The following FAM167A variants were observed in gnomAD, a reference collection of about 807,000 sequenced individuals.
FAM167A encodes protein FAM167A.
FAM167A carries 23 observed loss-of-function variants against 14.9 expected under a neutral mutation model. The ratio of observed to expected loss-of-function variants is 1.55; its 90% CI spans 1.11 to 2.19. The LOEUF is 2.19. Ranked by LOEUF, FAM167A falls within the 30% of genes most tolerant of loss-of-function variation. The probability of loss-of-function intolerance (pLI) is 0.00; values close to 1 mark genes in which losing one functional copy is unlikely to be tolerated. For synonymous variants in FAM167A, 174 were observed against 117.7 expected, an observed-to-expected ratio of 1.48 and a Z score of -3.10; for missense variants, 401 against 281.5, an observed-to-expected ratio of 1.42 and a Z score of -3.04.
intron 2 of FAM167A, among the ~76,000 whole-genome samples, chr8:11,426,495 C>G (rs1365154368): frequency 1.3e-5 from 2 of 152,188 alleles, no homozygotes; most frequent in African/African-American, 2.4e-5. Flanking sequence ...GCTTCACACT[C>G]CCAGTTTCCC....
At chr8:11,443,739 T>G (rs572314130) in intron 2 of FAM167A, 52 of 352,376 alleles carry the variant, frequency 1.5e-4, no homozygotes, top group African/African-American at 1.1e-3. Context: ...CTGGGAGCGG[T>G]GTTGGGGGGA....
intron 1 of FAM167A, among the ~76,000 whole-genome samples, chr8:11,455,074 C>G (rs145145378): frequency 6.6e-6 from 1 of 152,234 alleles, no homozygotes; most frequent in African/African-American, 2.4e-5. Context: ...GACATCCTGC[C>G]GAGACCTGAC....
intron 2 of FAM167A, among the ~76,000 whole-genome samples, chr8:11,442,439 CAA>C (rs1364622523): frequency 2.0e-5 from 3 of 152,130 alleles, no homozygotes; most frequent in Non-Finnish European, 4.4e-5. Flanking sequence ...ATAAGCAGGA[CAA>C]ATTCTAGGAA....
intron 2 of FAM167A, among the ~76,000 whole-genome samples, chr8:11,441,901 G>A (rs1049580878): frequency 4.9e-4 from 74 of 152,192 alleles, no homozygotes; most frequent in Admixed American, 1.4e-3. Context: ...GAAAAGCAGG[G>A]GTACCAGGAA....
At chr8:11,456,179 T>G (rs28459300) in intron 1 of FAM167A, among the ~76,000 whole-genome samples, 2 of 5,716 alleles carry the variant, frequency 3.5e-4, no homozygotes, top group South Asian at 5.0e-3. Flanking sequence ...TTGCTGTGTG[T>G]GTGTGTGAAT....
At chr8:11,427,634 C>T (rs1410163295) in intron 2 of FAM167A, among the ~76,000 whole-genome samples, 1 of 152,156 alleles carries the variant, frequency 6.6e-6, no homozygotes, top group African/African-American at 2.4e-5. Context: ...GTGACCTTGC[C>T]AGCGAGCATC....
chr8:11,440,279 G>C (rs1011889765), intron 2 of FAM167A, among the ~76,000 whole-genome samples: 21 of 152,336 alleles, frequency 1.4e-4, no homozygotes, highest in African/African-American at 5.1e-4. Flanking sequence ...GGCCGTCTTA[G>C]CTGGGAGTCG....
At chr8:11,445,049 C>T (rs1430978173) in intron 1 of FAM167A, 3 of 884,476 alleles carry the variant, frequency 3.4e-6, no homozygotes, top group Non-Finnish European at 4.1e-6. Context: ...TCCGCCTCTA[C>T]TATCTTATTT....
chr8:11,445,010 C>T, intron 1 of FAM167A: 2 of 623,894 alleles, frequency 3.2e-6, no homozygotes, highest in Non-Finnish European at 4.0e-6. Context: ...AAAAATTGTG[C>T]AGTGTTTTAC....
chr8:11,438,558 TTATACATGA>T (rs1806210017), intron 2 of FAM167A: 5 of 453,092 alleles, frequency 1.1e-5, no homozygotes, highest in African/African-American at 4.0e-5. Context: ...TTCCCCTTGA[TTATACATGA>T]TATATTCCTA....
chr8:11,472,206 A>C (rs1379315184), upstream of FAM167A, among the ~76,000 whole-genome samples: 1 of 152,138 alleles, frequency 6.6e-6, no homozygotes. Context: ...CAGATTACGC[A>C]GCACACCGCA....
intron 2 of FAM167A, 75 bp from the exon 3 acceptor site, chr8:11,424,711 G>A (rs896059633): frequency 6.4e-7 from 1 of 1,559,142 alleles, no homozygotes; most frequent in Non-Finnish European, 8.7e-7. Flanking sequence ...TGGTTAGCAG[G>A]GCCCTGACTA....
chr8:11,424,511 G>A lies in FAM167A; in HGVS notation c.507C>T (p.Tyr169=), dbSNP rs149662282. 615 of 1,614,190 alleles carry A rather than the reference G, an allele frequency of 3.8e-4. 3 individuals are homozygous for A. The East Asian group carries it at 4.0e-3, about 10-fold the overall frequency. The change falls in exon 3 of 3, where the codon TAC becomes TAT. Residue 169 remains tyrosine, a synonymous_variant. Coordinates refer to ENST00000284486, the MANE Select transcript of FAM167A (RefSeq NM_053279.3). ...LHRRMLNDAT[Y]ELEERDELAD... is the part of the protein sequence containing the mutation. ...CCAGCTCATCCCGCTCCTCCAGCTC[G>A]TAGGTGGCATCGTTGAGCATCCTCC... is the stretch of plus-strand genomic sequence containing the variant.
intron 2 of FAM167A, among the ~76,000 whole-genome samples, chr8:11,432,076 C>G (rs560304392): frequency 5.3e-5 from 8 of 152,058 alleles, no homozygotes; most frequent in Non-Finnish European, 8.8e-5. Context: ...CTCAACATCC[C>G]CTGGCTGATC....
chr8:11,453,085 G>A (rs1189002420), intron 1 of FAM167A, among the ~76,000 whole-genome samples: 1 of 152,284 alleles, frequency 6.6e-6, no homozygotes, highest in East Asian at 1.9e-4. Flanking sequence ...TCTCCACAAA[G>A]CTCCCTCCTC....
In FAM167A at chr8:11,424,652, A is replaced by C; in HGVS notation, c.382-16T>G. 1 of 1,611,934 alleles carries C rather than the reference A, an allele frequency of 6.2e-7. No individual in the cohort carries two copies. Among genetic ancestry groups the C allele is most frequent in the Non-Finnish European group, 8.5e-7 (1 of 1,179,308 alleles). ...GCATCTCCGTCTGGAAGGGAGGGGG[A>C]GCAGGCAGGGTCAGCAGAGAGTGGC... On this transcript the variant is annotated splice_polypyrimidine_tract_variant and intron_variant, in intron 2 of 2. Coordinates refer to ENST00000284486, the MANE Select transcript of FAM167A (RefSeq NM_053279.3).
chr8:11,475,627 A>G (rs1005407111), intron 1 of FAM167A, among the ~76,000 whole-genome samples: 6 of 152,160 alleles, frequency 3.9e-5, no homozygotes, highest in African/African-American at 1.4e-4. Context: ...TACGTTTTAA[A>G]AACCCACCCC....
rs1013591670 is a variant in FAM167A, at chr8:11,422,475, T to G, written c.*1898A>C. 6.6e-6 allele frequency: 1 copy of G among 152,608 alleles called. No individual in the cohort carries two copies. The highest frequency in any genetic ancestry group is 2.1e-4 in the South Asian group (1 of 4,806). 9.5% of individuals were successfully genotyped at this position (152,608 alleles called of 1,614,324 possible). On this transcript the variant is annotated 3_prime_UTR_variant, in exon 3 of 3. Transcript: ENST00000284486. ...AGGAAAGGAATGCGTCTTCAGGACT[T>G]GGCAGTGTTTGTGCAGAGCTCTGAG... is the stretch of plus-strand genomic sequence containing the variant.
upstream of FAM167A, among the ~76,000 whole-genome samples, chr8:11,468,793 C>T (rs955728366): frequency 1.3e-5 from 2 of 152,194 alleles, no homozygotes; most frequent in African/African-American, 4.8e-5. Context: ...GATGCTTTCT[C>T]ATGGGGGAAT....
Sources: allele counts gnomAD v4.1 joint callset (sites outside exome capture counted in the v4.1 genomes callset), GRCh38; gene constraint gnomAD v4.1.1; transcripts MANE v1.5; gene names NCBI Gene and HGNC (gene_info 2026-07-23, HGNC 2026-07-21).